Variants in MAD1L1 observed in about 807,000 individuals in gnomAD.
MAD1L1 encodes the protein mitotic spindle assembly checkpoint protein MAD1.
A neutral mutation model predicts 96.9 loss-of-function variants in MAD1L1; 95 were observed. The ratio of observed to expected loss-of-function variants is 0.98; its 90% CI spans 0.83 to 1.16. The LOEUF (loss-of-function observed/expected upper bound fraction) is 1.16. Among genes scored for constraint, MAD1L1 ranks in the 50% most tolerant of loss-of-function variants. The pLI, the probability that MAD1L1 is intolerant of heterozygous loss-of-function variation, is 0.00. For synonymous variants in MAD1L1, 473 were observed against 396.6 expected, an observed-to-expected ratio of 1.19 and a Z score of -2.29; for missense variants, 1,007 against 954.4, an observed-to-expected ratio of 1.06 and a Z score of -0.73.
intron 18 of MAD1L1, among the ~76,000 whole-genome samples, chr7:1,896,312 A>T (rs577667509): frequency 6.6e-6 from 1 of 152,274 alleles, no homozygotes; most frequent in South Asian, 2.1e-4. Context: ...CATGGCTGGG[A>T]TCCTGGGCGG....
At chr7:2,139,242 CT>C (rs1210081232) in intron 11 of MAD1L1, among the ~76,000 whole-genome samples, 4 of 149,156 alleles carry the variant, frequency 2.7e-5, no homozygotes, top group African/African-American at 1.0e-4. Flanking sequence ...GCCCGACCCC[CT>C]GAGCCAGCAA....
chr7:1,973,763 T>A (rs939837021), intron 15 of MAD1L1, among the ~76,000 whole-genome samples: 2 of 152,126 alleles, frequency 1.3e-5, no homozygotes, highest in Non-Finnish European at 2.9e-5. Context: ...CACATCCTGC[T>A]CTGCCTCGGT....
intron 11 of MAD1L1, among the ~76,000 whole-genome samples, chr7:2,079,117 G>GC (rs1226614982): frequency 6.6e-6 from 1 of 152,236 alleles, no homozygotes; most frequent in Admixed American, 6.5e-5. Context: ...GGCCAGCTCA[G>GC]CCCCCACACC....
chr7:1,873,241 C>T (rs549649832), intron 18 of MAD1L1, among the ~76,000 whole-genome samples: 117 of 152,338 alleles, frequency 7.7e-4, no homozygotes, highest in Middle Eastern at 3.4e-3. Flanking sequence ...GCCCCATCCC[C>T]GGCTGGGGAG....
At chr7:2,112,898 A>AAATC (rs1449817530) in intron 11 of MAD1L1, among the ~76,000 whole-genome samples, 1 of 152,128 alleles carries the variant, frequency 6.6e-6, no homozygotes. Flanking sequence ...AGATGAGGGC[A>AAATC]AATCACAGGG....
intron 17 of MAD1L1, among the ~76,000 whole-genome samples, chr7:1,930,928 T>C (rs1026934550): frequency 6.6e-6 from 1 of 152,128 alleles, no homozygotes; most frequent in Non-Finnish European, 1.5e-5. Context: ...GGAGCATCCG[T>C]CTCTGTCTCA....
chr7:2,148,759 T>A (rs1397609078), intron 11 of MAD1L1: 1 of 235,090 alleles, frequency 4.3e-6, no homozygotes, highest in Non-Finnish European at 8.4e-6. Context: ...ACGCCTGCAT[T>A]CATGCTGACG....
chr7:1,918,224 G>T (rs1788544571), intron 17 of MAD1L1, among the ~76,000 whole-genome samples: 1 of 152,140 alleles, frequency 6.6e-6, no homozygotes, highest in Admixed American at 6.5e-5. Context: ...GGCCCAGTGG[G>T]GACCGCCCCA....
At chr7:1,935,291 C>T (rs1389470391) in intron 17 of MAD1L1, among the ~76,000 whole-genome samples, 1 of 152,246 alleles carries the variant, frequency 6.6e-6, no homozygotes, top group Non-Finnish European at 1.5e-5. Flanking sequence ...GGGGCTCAGG[C>T]CCTCACAGCC....
chr7:2,078,090 G>A lies in MAD1L1; in HGVS notation c.1074-8752C>T, dbSNP rs533203711. Among the ~76,000 whole-genome samples, 37 of 152,318 alleles carry A rather than the reference G, an allele frequency of 2.4e-4. No individual in the cohort carries two copies. In the South Asian group the frequency reaches 4.1e-3, roughly 17 times the overall value. On this transcript the variant is annotated intron_variant, in intron 11 of 18. Coordinates refer to ENST00000265854, the MANE Select transcript of MAD1L1 (RefSeq NM_001013836.2). ...CCCCCACTCACCACAGAGAGGAGCC[G>A]TCTCTGCCATCGAAGCCCCCAGCTC... is the stretch of plus-strand genomic sequence containing the variant.
At chr7:1,972,710 C>T (rs1780460288) in intron 15 of MAD1L1, among the ~76,000 whole-genome samples, 1 of 151,674 alleles carries the variant, frequency 6.6e-6, no homozygotes, top group Admixed American at 6.6e-5. Flanking sequence ...CATGCTTGCT[C>T]TGGGCTATTC....
chr7:1,977,902 G>C (rs1387742548), intron 15 of MAD1L1, among the ~76,000 whole-genome samples: 1 of 152,226 alleles, frequency 6.6e-6, no homozygotes, highest in Non-Finnish European at 1.5e-5. Context: ...AGCCACAGCT[G>C]CAACTCCCCA....
At position 1,901,115 on chromosome 7, in the gene MAD1L1, AG is replaced by A. The variant is rs142147859; in HGVS notation, c.1808-2726del. ...CCTGATCCTGGTCTCCTGTCCACGT[AG>A]GGAAGGGTCCATCCTCCAGACAAGG... On this transcript the variant is annotated intron_variant, in intron 17 of 18. Transcript: ENST00000265854. Among the ~76,000 whole-genome samples the A allele has an allele frequency of 9.7e-4, 147 of 152,224 alleles. 1 individual carries two copies. Among genetic ancestry groups the A allele is most frequent in the African/African-American group, 3.3e-3 (136 of 41,528 alleles).
intron 18 of MAD1L1, among the ~76,000 whole-genome samples, chr7:1,825,277 A>C (rs1782332056): frequency 6.6e-6 from 1 of 152,136 alleles, no homozygotes; most frequent in African/African-American, 2.4e-5. Context: ...GAGTGTCTCC[A>C]GACACTCTGT....
Position 2,216,270 on chromosome 7 carries a change from C to T in MAD1L1, c.696G>A (p.Leu232=), listed in dbSNP as rs1396180134. ...TCGCTGCATCCTGCTCTTGCAGGGACAGCTTCTGCTCCAGATCCTGATGGA... is the reference window on the plus strand; with the variant it reads ...TCGCTGCATCCTGCTCTTGCAGGGATAGCTTCTGCTCCAGATCCTGATGGA... ...EQQIKDLEQK[L]SLQEQDAAIV... Residue 232 remains leucine (L), a synonymous_variant, in exon 8 of 19, where the codon CTG becomes CTA. Transcript: ENST00000265854. The T allele has an allele frequency of 6.2e-7, 1 of 1,614,036 alleles. No individual in the cohort carries two copies. The highest frequency in any genetic ancestry group is 8.5e-7 in the Non-Finnish European group (1 of 1,180,016).
chr7:2,199,282 CTA>C (rs1349159003), intron 10 of MAD1L1, among the ~76,000 whole-genome samples: 2 of 152,260 alleles, frequency 1.3e-5, no homozygotes, highest in Non-Finnish European at 2.9e-5. Context: ...GGCATATGGA[CTA>C]AGGAATGGAA....
chr7:2,014,316 GT>G (rs1562607387), intron 13 of MAD1L1, among the ~76,000 whole-genome samples, 185 bp downstream of exon 13: 1 of 152,122 alleles, frequency 6.6e-6, no homozygotes, highest in Admixed American at 6.5e-5. Context: ...AGGTGCCATC[GT>G]GAGAATTAAC....
chr7:2,207,850 T>G (rs1792681946), intron 10 of MAD1L1, among the ~76,000 whole-genome samples: 1 of 152,056 alleles, frequency 6.6e-6, no homozygotes. Flanking sequence ...GCCTACTACT[T>G]GCACCTGGAA....
chr7:2,208,833 C>T (rs2114974886), intron 10 of MAD1L1, among the ~76,000 whole-genome samples: 1 of 152,234 alleles, frequency 6.6e-6, no homozygotes, highest in East Asian at 1.9e-4. Flanking sequence ...GTGTGCTGGC[C>T]TCCGCTTTCC....
Sources: allele counts gnomAD v4.1 joint callset (sites outside exome capture counted in the v4.1 genomes callset), GRCh38; gene constraint gnomAD v4.1.1; transcripts MANE v1.5; gene names NCBI Gene and HGNC (gene_info 2026-07-23, HGNC 2026-07-21).